ARHGAP26: variants seen among roughly 807,000 people sequenced by gnomAD.
ARHGAP26 encodes Rho GTPase activating protein 26.
Under a neutral mutation model 104.8 loss-of-function variants are expected in ARHGAP26, and 38 were observed. The observed-to-expected ratio is 0.36, with a 90% CI of 0.28 to 0.48. The LOEUF is 0.48. ARHGAP26 is among the 20% of genes least tolerant of loss of function. The pLI, the probability that ARHGAP26 is intolerant of heterozygous loss-of-function variation, is 0.99. For missense variants in ARHGAP26, 704 were observed against 947.9 expected, an observed-to-expected ratio of 0.74 and a Z score of 3.38; for synonymous variants, 341 against 340.0, an observed-to-expected ratio of 1.00 and a Z score of -0.03.
chr5:142,954,635 T>A (rs1167495769), intron 11 of ARHGAP26, among the ~76,000 whole-genome samples: 2 of 152,206 alleles, frequency 1.3e-5, no homozygotes, highest in East Asian at 3.9e-4. Flanking sequence ...TCAGTAACAT[T>A]TTCAGGTGGC....
rs1426033747 is a variant in ARHGAP26 at position 143,041,832 on chromosome 5, G to T, written c.1227G>T (p.Gly409=). The change falls in exon 14 of 23, where the codon GGG becomes GGT. Residue 409 remains glycine, a synonymous_variant. Coordinates refer to ENST00000645722, the MANE Select transcript of ARHGAP26 (RefSeq NM_001135608.3). The part of the protein sequence containing the change: ...AVETRGINEQ[G]LYRIVGVNSR... ...TTTCCTCAGGGATCAACGAGCAAGG[G>T]CTGTATCGAATTGTGGGTGTCAACT... The T allele has an allele frequency of 3.7e-6, 6 of 1,606,562 alleles. No homozygotes were observed. In the Admixed American group the frequency reaches 6.8e-5, roughly 18 times the overall value.
intron 11 of ARHGAP26, among the ~76,000 whole-genome samples, chr5:142,954,553 A>G (rs1420046035): frequency 1.3e-5 from 2 of 151,912 alleles, no homozygotes; most frequent in Non-Finnish European, 2.9e-5. Flanking sequence ...TTGTTAGTCC[A>G]CACTCCCTGG....
At chr5:143,013,003 G>A (rs1188004958) in intron 11 of ARHGAP26, among the ~76,000 whole-genome samples, 1 of 151,952 alleles carries the variant, frequency 6.6e-6, no homozygotes, top group African/African-American at 2.4e-5. Context: ...AATTATGACA[G>A]CATATCAGAG....
chr5:143,132,054 T>G (rs1170714586), intron 18 of ARHGAP26, among the ~76,000 whole-genome samples: 1 of 152,096 alleles, frequency 6.6e-6, no homozygotes, highest in East Asian at 1.9e-4. Flanking sequence ...CTCTTCTTAT[T>G]CCCTTGCCCC....
chr5:143,044,317 C>T (rs527445351), intron 14 of ARHGAP26, among the ~76,000 whole-genome samples: 8 of 152,242 alleles, frequency 5.3e-5, no homozygotes, highest in Admixed American at 4.6e-4. Flanking sequence ...TCTGGCTTCT[C>T]ATGTTCTCTG....
intron 19 of ARHGAP26, among the ~76,000 whole-genome samples, chr5:143,136,627 G>C (rs570983310): frequency 3.6e-4 from 55 of 152,292 alleles, no homozygotes; most frequent in African/African-American, 1.3e-3. Context: ...CCTGTGGGGG[G>C]GCAGTGGGAG....
intron 1 of ARHGAP26, among the ~76,000 whole-genome samples, chr5:142,834,761 T>G (rs912806404): frequency 3.3e-5 from 5 of 152,232 alleles, no homozygotes; most frequent in African/African-American, 9.6e-5. Flanking sequence ...CACATTCTGT[T>G]GGCCAAAACA....
intron 11 of ARHGAP26, among the ~76,000 whole-genome samples, chr5:142,953,584 A>G (rs1420365643): frequency 6.6e-6 from 1 of 152,192 alleles, no homozygotes; most frequent in African/African-American, 2.4e-5. Flanking sequence ...AGGCTCTTCA[A>G]GTCCTGACCC....
At chr5:143,040,027 A>C (rs1223479023) in intron 13 of ARHGAP26, among the ~76,000 whole-genome samples, 1 of 152,218 alleles carries the variant, frequency 6.6e-6, no homozygotes, top group Non-Finnish European at 1.5e-5. Flanking sequence ...TATGGTGATC[A>C]GAGATGAACA....
At chr5:143,032,159 G>A (rs756474877) in intron 12 of ARHGAP26, among the ~76,000 whole-genome samples, 4 of 152,226 alleles carry the variant, frequency 2.6e-5, no homozygotes, top group Non-Finnish European at 4.4e-5. Flanking sequence ...AAAGTTAAGA[G>A]GATGGCACAT....
intron 22 of ARHGAP26, among the ~76,000 whole-genome samples, chr5:143,220,122 T>C (rs1810942464): frequency 6.6e-6 from 1 of 152,254 alleles, no homozygotes; most frequent in Non-Finnish European, 1.5e-5. Flanking sequence ...GTGCATCCAG[T>C]AGAGTAATAA....
chr5:143,010,807 AT>A (rs1598614585), intron 11 of ARHGAP26: 1 of 152,202 alleles, frequency 6.6e-6, no homozygotes, highest in East Asian at 1.9e-4. Flanking sequence ...GAAGTCCTGC[AT>A]TTTACTATTC....
intron 10 of ARHGAP26, among the ~76,000 whole-genome samples, chr5:142,929,984 T>C (rs942435873): frequency 1.3e-5 from 2 of 152,132 alleles, no homozygotes; most frequent in African/African-American, 4.8e-5. Context: ...CAAACTTAAC[T>C]CTGCATCAAG....
chr5:143,055,087 G>T (rs1028477233), intron 15 of ARHGAP26, among the ~76,000 whole-genome samples: 4 of 152,120 alleles, frequency 2.6e-5, no homozygotes, highest in African/African-American at 9.7e-5. Context: ...ATTATTAAAG[G>T]TTGGGTTATT....
At chr5:142,926,653 C>G (rs1170657030) in intron 10 of ARHGAP26, among the ~76,000 whole-genome samples, 1 of 152,140 alleles carries the variant, frequency 6.6e-6, no homozygotes, top group East Asian at 1.9e-4. Context: ...AGGTGTGTCC[C>G]TTCAGCCCTC....
chr5:142,784,587 G>T (rs576853238), intron 1 of ARHGAP26, among the ~76,000 whole-genome samples: 14 of 152,226 alleles, frequency 9.2e-5, no homozygotes, highest in African/African-American at 3.4e-4. Context: ...TGTCAAACTG[G>T]AGAAGGATGA....
At chr5:142,993,638 G>A (rs535269017) in intron 11 of ARHGAP26, among the ~76,000 whole-genome samples, 1 of 151,602 alleles carries the variant, frequency 6.6e-6, no homozygotes, top group South Asian at 2.1e-4. Flanking sequence ...CTAGATTGTT[G>A]ATTTTTTTTC....
At chr5:142,942,316 AT>A (rs1376662442) in intron 11 of ARHGAP26, among the ~76,000 whole-genome samples, 1 of 152,242 alleles carries the variant, frequency 6.6e-6, no homozygotes, top group Non-Finnish European at 1.5e-5. Flanking sequence ...ATGCTTTTAC[AT>A]GTATAAAATA....
chr5:143,141,798 C>A (rs1253324430), intron 19 of ARHGAP26, among the ~76,000 whole-genome samples: 1 of 152,152 alleles, frequency 6.6e-6, no homozygotes, highest in Admixed American at 6.5e-5. Context: ...ATCATTCAAC[C>A]CCCTAGTCAA....
Sources: gnomAD v4.1 joint callset for allele counts (sites outside exome capture counted in the v4.1 genomes callset) on GRCh38, gnomAD v4.1.1 for gene constraint, MANE v1.5 for transcripts, NCBI Gene and HGNC (gene_info 2026-07-23, HGNC 2026-07-21) for gene names.